Variants in ARAP3 observed in about 807,000 individuals in gnomAD.
ARAP3 encodes ArfGAP with RhoGAP domain, ankyrin repeat and PH domain 3, also known as arf-GAP with Rho-GAP domain, ANK repeat and PH domain-containing protein 3.
Under a neutral mutation model 169.2 loss-of-function variants are expected in ARAP3, and 82 were observed. The ratio of observed to expected loss-of-function variants is 0.48; its 90% CI spans 0.41 to 0.58. The LOEUF is 0.58. ARAP3 is among the 20% of genes least tolerant of loss of function. ARAP3 has a pLI of 0.00. For missense variants in ARAP3, 1,764 were observed against 2,018.0 expected (o/e 0.87, Z 2.41); for synonymous variants, 791 against 800.3 (o/e 0.99, Z 0.20).
intron 19 of ARAP3, among the ~76,000 whole-genome samples, chr5:141,662,974 T>A (rs2099910166): frequency 6.6e-6 from 1 of 152,192 alleles, no homozygotes; most frequent in Non-Finnish European, 1.5e-5. Context: ...TACATATTGA[T>A]CACTTGACTA....
At chr5:141,660,021 T>C (rs2099909721) in intron 21 of ARAP3, 95 bp from the exon 22 acceptor site, 1 of 1,442,346 alleles carries the variant, frequency 6.9e-7, no homozygotes, top group Middle Eastern at 1.8e-4. Flanking sequence ...GTGCTTGGAA[T>C]ACAGCAGTAA....
intron 4 of ARAP3, among the ~76,000 whole-genome samples, chr5:141,675,562 T>C (rs1477680392): frequency 6.6e-6 from 1 of 150,708 alleles, no homozygotes; most frequent in African/African-American, 2.5e-5. Flanking sequence ...CTACTAAAAA[T>C]ACAAAAAAAA....
rs976233985 is a variant in ARAP3 at position 141,672,325 on chromosome 5, T to C, written c.1386-24A>G. On this transcript the variant is annotated intron_variant, in intron 9 of 32. Transcript: ENST00000239440. The surrounding 1 kb of genome is among the most constrained non-coding windows in gnomAD (Gnocchi z 4.9). ...AGCTGAGGGGTGGACAGCCAGTCCATGGGCATGGACCTACCTGCCATGTCC... is the reference window on the plus strand; with the variant it reads ...AGCTGAGGGGTGGACAGCCAGTCCACGGGCATGGACCTACCTGCCATGTCC... The C allele has an allele frequency of 3.1e-6, 5 of 1,613,498 alleles. No homozygotes were observed. Among genetic ancestry groups the C allele is most frequent in the Middle Eastern group, 1.6e-4 (1 of 6,062 alleles).
intron 21 of ARAP3, among the ~76,000 whole-genome samples, chr5:141,660,944 T>C (rs961581079): frequency 3.9e-5 from 6 of 152,206 alleles, no homozygotes; most frequent in Non-Finnish European, 8.8e-5. Flanking sequence ...TAAAACAAAA[T>C]AATATTGATT....
chr5:141,677,041 C>T (rs752636539), intron 4 of ARAP3, among the ~76,000 whole-genome samples: 40 of 152,194 alleles, frequency 2.6e-4, no homozygotes, highest in Non-Finnish European at 5.6e-4. Flanking sequence ...GTGCTCAGGA[C>T]AGTGCTATCC....
chr5:141,675,636 T>C (rs1292720841), intron 4 of ARAP3, among the ~76,000 whole-genome samples: 1 of 151,732 alleles, frequency 6.6e-6, no homozygotes. Flanking sequence ...GGCAAGATAA[T>C]TGCTTGAACC....
intron 22 of ARAP3, 30 bp from the exon 23 acceptor site, chr5:141,659,506 G>A: frequency 6.2e-7 from 1 of 1,610,926 alleles, no homozygotes; most frequent in Non-Finnish European, 8.5e-7. Context: ...GAGTGTTGGG[G>A]TGCTGGAAGA....
chr5:141,674,884 C>T lies in ARAP3; in HGVS notation c.699-1076G>A, dbSNP rs539172903. Among the ~76,000 whole-genome samples the T allele has an allele frequency of 2.6e-5, 4 of 152,312 alleles. No individual in the cohort carries two copies. In the East Asian group the frequency reaches 7.7e-4, roughly 29 times the overall value. ...TCTGCTTTCATTCTTGCCCTCCCTC[C>T]CACACTTATTCTCCCACAGGCACCA... On this transcript the variant is annotated intron_variant, in intron 4 of 32. Transcript: ENST00000239440.
At position 141,659,943 on chromosome 5, in the gene ARAP3, C is replaced by T. The variant is rs949073742; in HGVS notation, c.3120-17G>A. ...TTCTGCACCCTGCAGAGGGGTGCCA[C>T]GGTCTTCATCAGTGTAGCCACTCAT... On this transcript the variant is annotated splice_polypyrimidine_tract_variant and intron_variant, in intron 21 of 32. Coordinates refer to ENST00000239440, the MANE Select transcript of ARAP3 (RefSeq NM_022481.6). The T allele has an allele frequency of 1.4e-5, 22 of 1,541,090 alleles. No individual in the cohort carries two copies. Among genetic ancestry groups the T allele is most frequent in the Middle Eastern group, 3.3e-4 (2 of 5,976 alleles).
rs932024934 is a variant in ARAP3 at position 141,656,251 on chromosome 5, G to A, written c.3815C>T (p.Pro1272Leu). The change falls in exon 28 of 33, where the codon CCT becomes CTT. Residue 1272 changes from proline to leucine, a missense_variant. Pro to Leu is a moderately conservative substitution (Grantham distance 98, BLOSUM62 -3). Transcript: ENST00000239440. ...KKSSKPEREW[P>L]LEGAKVYLGI... ...CAGGTAGACCTTGGCACCTTCCAAA[G>A]GCCACTCCCGTTCTGGTTTAGAGCT... The A allele has an allele frequency of 6.8e-6, 11 of 1,614,022 alleles. No individual in the cohort carries two copies. The East Asian group carries it at 2.5e-4, about 36-fold the overall frequency.
intron 18 of ARAP3, 30 bp from the exon 19 acceptor site, chr5:141,665,115 A>G: frequency 6.3e-7 from 1 of 1,594,184 alleles, no homozygotes; most frequent in Non-Finnish European, 8.6e-7. Context: ...AATCAGAGCC[A>G]GCTCCGACAG....
rs1345030522 is a variant in ARAP3, at chr5:141,669,786, G to A, written c.2275C>T (p.Leu759Phe). Residue 759 changes from leucine (L) to phenylalanine (F), a missense_variant, in exon 16 of 33, where the codon CTC (leucine) becomes TTC (phenylalanine). This residue lies in a region of ARAP3 where 1,112 missense variants were observed against 1,285.7 expected (regional missense o/e 0.86). Transcript: ENST00000239440. ...AAATGCTGGATCCTCCCCCCAGCGA[G>A]GATGAGCTCAAAGGAAAAGGGGAAC... is the stretch of plus-strand genomic sequence containing the variant. ...DRFPFSFELI[L>F]AGGRIQHFGT... The A allele has an allele frequency of 2.5e-6, 4 of 1,614,172 alleles. No homozygotes were observed.
Position 141,655,944 on chromosome 5 carries a change from A to G in ARAP3, c.3909-12T>C, listed in dbSNP as rs1399912819. The G allele has an allele frequency of 1.5e-5, 25 of 1,613,958 alleles. No homozygotes were observed. Among genetic ancestry groups the G allele is most frequent in the African/African-American group, 2.7e-5 (2 of 74,934 alleles). ...TGCAGGACAAGTAGCTGGGGTGATC[A>G]GAATGGAATCAGAGGGAGAGAGAGG... On this transcript the variant is annotated splice_polypyrimidine_tract_variant and intron_variant, in intron 29 of 32. Transcript: ENST00000239440.
Position 141,669,721 on chromosome 5 carries a change from A to T in ARAP3, c.2340T>A (p.Ser780Arg). ...TCTCCTGTCTCACCTTGCCCACAGC[A>T]CTAGTCCAGGCCTCCAGACTGTCAG... ...DGADSLEAWT[S>R]AVGKWFSPLS... The change falls in exon 16 of 33, where the codon AGT (serine) becomes AGA (arginine). Residue 780 changes from serine to arginine, a missense_variant. Ser to Arg is a moderately radical substitution (Grantham distance 110). Around this residue, in one of 3 missense-constraint regions of ARAP3, gnomAD observed 1,112 missense variants for 1,285.7 expected, o/e 0.86. Coordinates refer to ENST00000239440, the MANE Select transcript of ARAP3 (RefSeq NM_022481.6). 1 of 1,614,084 alleles carries T rather than the reference A, an allele frequency of 6.2e-7. No individual in the cohort carries two copies. The highest frequency in any genetic ancestry group is 8.5e-7 in the Non-Finnish European group (1 of 1,179,956).
At position 141,679,537 on chromosome 5, in the gene ARAP3, G is replaced by A; in HGVS notation, c.698+8C>T. 2 of 1,613,338 alleles carry A rather than the reference G, an allele frequency of 1.2e-6. No individual in the cohort carries two copies. Among genetic ancestry groups the A allele is most frequent in the Non-Finnish European group, 1.7e-6 (2 of 1,179,564 alleles). On this transcript the variant is annotated splice_region_variant and intron_variant, in intron 4 of 32. Transcript: ENST00000239440. ...CTCCCTCCCACCACTTCCCTATTTAGTACTCACCTGTGTTCAGCCCTGCCC... is the reference window on the plus strand; with the variant it reads ...CTCCCTCCCACCACTTCCCTATTTAATACTCACCTGTGTTCAGCCCTGCCC...
At chr5:141,669,620 A>C in intron 16 of ARAP3, 89 bp downstream of exon 16, 1 of 1,260,198 alleles carries the variant, frequency 7.9e-7, no homozygotes, top group Admixed American at 1.8e-5. Flanking sequence ...TAGTGGAAGA[A>C]GTGGCTGTAG....
intron 4 of ARAP3, among the ~76,000 whole-genome samples, chr5:141,678,411 G>A (rs1045638447): frequency 2.0e-5 from 3 of 152,036 alleles, no homozygotes; most frequent in African/African-American, 7.2e-5. Flanking sequence ...GCCCTACCGG[G>A]GCACTCTTCC....
rs767928406 is a variant in ARAP3 at position 141,659,891 on chromosome 5, G to A, written c.3155C>T (p.Thr1052Met). 3 of 1,582,630 alleles carry A rather than the reference G, an allele frequency of 1.9e-6. No homozygotes were observed. The highest frequency in any genetic ancestry group is 1.2e-5 in the South Asian group (1 of 86,608). Residue 1052 changes from threonine (T) to methionine (M), a missense_variant, in exon 22 of 33, where the codon ACG becomes ATG. Around this residue, in one of 3 missense-constraint regions of ARAP3, gnomAD observed 1,112 missense variants for 1,285.7 expected, o/e 0.86. Coordinates refer to ENST00000239440, the MANE Select transcript of ARAP3 (RefSeq NM_022481.6). ...QKCAALNQMCTRNLALLFAPS... is the reference protein window; with the variant it reads ...QKCAALNQMCMRNLALLFAPS... ...TGCAAACAGCAGAGCCAAGTTCCGCGTGCACATCTGGTTTAGAGCCGCACA... is the reference window on the plus strand; with the variant it reads ...TGCAAACAGCAGAGCCAAGTTCCGCATGCACATCTGGTTTAGAGCCGCACA...
At position 141,680,102 on chromosome 5, in the gene ARAP3, G is replaced by T; in HGVS notation, c.385C>A (p.Pro129Thr). The part of the protein sequence containing the change: ...ALGGPGVSRS[P>T]EPSPRPPPLP... ...GGAGGAGGCCTTGGGCTGGGCTCTG[G>T]GCTCCTGGACACTCCTGGTCCCCCG... The change falls in exon 2 of 33, where the codon CCA becomes ACA. Residue 129 changes from proline to threonine, a missense_variant. Around this residue, in one of 3 missense-constraint regions of ARAP3, gnomAD observed 630 missense variants for 678.7 expected, o/e 0.93. Coordinates refer to ENST00000239440, the MANE Select transcript of ARAP3 (RefSeq NM_022481.6). 1 of 1,613,492 alleles carries T rather than the reference G, an allele frequency of 6.2e-7. No individual in the cohort carries two copies. The highest frequency in any genetic ancestry group is 1.1e-5 in the South Asian group (1 of 91,038).
Sources: allele counts gnomAD v4.1 joint callset (sites outside exome capture counted in the v4.1 genomes callset), GRCh38; gene constraint gnomAD v4.1.1; regional missense constraint gnomAD v4.1.1; non-coding constraint Gnocchi (gnomAD v3.1); transcripts MANE v1.5; gene names NCBI Gene and HGNC (gene_info 2026-07-23, HGNC 2026-07-21).